NALF1: variants seen among roughly 807,000 people sequenced by gnomAD.
NALF1 encodes family with sequence similarity 155 member A.
Under a neutral mutation model 48.4 loss-of-function variants are expected in NALF1, and 3 were observed. That is an observed-to-expected ratio of 0.06 (90% CI 0.03 to 0.16). The LOEUF is 0.16. Among genes scored for constraint, NALF1 ranks in the 10% least tolerant of loss-of-function variants. The probability of loss-of-function intolerance (pLI) is 1.00; values close to 1 mark genes in which losing one functional copy is unlikely to be tolerated. For synonymous variants in NALF1, 262 were observed against 245.7 expected, an observed-to-expected ratio of 1.07 and a Z score of -0.62; for missense variants, 526 against 571.5, an observed-to-expected ratio of 0.92 and a Z score of 0.81.
chr13:107,258,774 C>T lies in NALF1; in HGVS notation c.916-48019G>A, dbSNP rs1034551093. 4.2e-5 allele frequency among the ~76,000 whole-genome samples: 5 copies of T among 118,782 alleles called. No individual in the cohort carries two copies. The South Asian group carries it at 1.0e-3, about 25-fold the overall frequency. 77.9% of individuals were successfully genotyped at this position (118,782 alleles called of 152,430 possible). A position where few individuals can be genotyped will look rare whatever the true frequency, so the allele number is the denominator to read the frequency against. On this transcript the variant is annotated intron_variant, in intron 1 of 2. Transcript: ENST00000375915. ...ATGATGAGTGGCCTACAAAAGGAAA[C>T]ATGTTTATGAAAGGCTTAAGGAATT...
intron 1 of NALF1, among the ~76,000 whole-genome samples, chr13:107,514,421 A>ATATCTATC (rs34590190): frequency 0.46 from 67,663 of 148,496 alleles, 16,636 homozygotes; most frequent in Admixed American, 0.53. Context: ...AGCTTCTCCT[A>ATATCTATC]TATCTATCTA....
At chr13:107,188,125 T>G (rs1242713994) in intron 2 of NALF1, among the ~76,000 whole-genome samples, 5 of 152,204 alleles carry the variant, frequency 3.3e-5, no homozygotes, top group Admixed American at 3.3e-4. Flanking sequence ...ACAATTTATT[T>G]TTTTGCCATC....
At chr13:107,840,919 C>G (rs988334167) in intron 1 of NALF1, among the ~76,000 whole-genome samples, 1 of 151,964 alleles carries the variant, frequency 6.6e-6, no homozygotes, top group African/African-American at 2.4e-5. Flanking sequence ...AAGCTACTTC[C>G]TAACTGAAAT....
intron 1 of NALF1, among the ~76,000 whole-genome samples, chr13:107,647,330 CT>C (rs1566428751): frequency 2.0e-5 from 3 of 151,770 alleles, no homozygotes; most frequent in Admixed American, 2.0e-4. Flanking sequence ...AAATTTTGTC[CT>C]TTTTTACCAT....
intron 1 of NALF1, among the ~76,000 whole-genome samples, chr13:107,238,305 G>A (rs1160860991): frequency 1.3e-5 from 2 of 152,186 alleles, no homozygotes; most frequent in Non-Finnish European, 2.9e-5. Context: ...CTCAGAATTA[G>A]AGGAAGGGCA....
intron 1 of NALF1, among the ~76,000 whole-genome samples, chr13:107,357,002 G>A (rs1882974270): frequency 6.6e-6 from 1 of 152,150 alleles, no homozygotes; most frequent in African/African-American, 2.4e-5. Context: ...TAGTGGCCTG[G>A]TCAAAGTACA....
intron 1 of NALF1, among the ~76,000 whole-genome samples, chr13:107,495,795 T>C (rs773632315): frequency 6.6e-6 from 1 of 152,118 alleles, no homozygotes; most frequent in Non-Finnish European, 1.5e-5. Flanking sequence ...ACTTTCAGAG[T>C]TTGAGACAAG....
At chr13:107,739,140 C>A (rs2138542527) in intron 1 of NALF1, among the ~76,000 whole-genome samples, 1 of 151,998 alleles carries the variant, frequency 6.6e-6, no homozygotes, top group South Asian at 2.1e-4. Flanking sequence ...AGGGAAACAT[C>A]ACACACCAGG....
intron 1 of NALF1, among the ~76,000 whole-genome samples, chr13:107,404,874 AC>A (rs1463682802): frequency 6.6e-6 from 1 of 152,056 alleles, no homozygotes; most frequent in African/African-American, 2.4e-5. Flanking sequence ...GTAACTTGTG[AC>A]CTCAGTGTCC....
chr13:107,861,131 G>A (rs1485295939), intron 1 of NALF1, among the ~76,000 whole-genome samples: 2 of 151,964 alleles, frequency 1.3e-5, no homozygotes, highest in African/African-American at 4.8e-5. Flanking sequence ...AGTTGTACAT[G>A]GAGCAAGAAG....
chr13:107,498,013 G>A (rs1875394678), intron 1 of NALF1, among the ~76,000 whole-genome samples: 1 of 151,286 alleles, frequency 6.6e-6, no homozygotes, highest in African/African-American at 2.4e-5. Flanking sequence ...TATAAGTTCT[G>A]GTTTTCATGC....
intron 1 of NALF1, among the ~76,000 whole-genome samples, chr13:107,550,581 T>C (rs920804897): frequency 6.6e-6 from 1 of 152,168 alleles, no homozygotes; most frequent in African/African-American, 2.4e-5. Flanking sequence ...TTATTCAAAA[T>C]TCACTACCTC....
At chr13:107,206,838 T>C (rs745556234) in intron 2 of NALF1, among the ~76,000 whole-genome samples, 4 of 152,158 alleles carry the variant, frequency 2.6e-5, no homozygotes, top group Non-Finnish European at 5.9e-5. Flanking sequence ...ACAGAATACT[T>C]TTTTTTGAGG....
intron 1 of NALF1, among the ~76,000 whole-genome samples, chr13:107,838,224 C>A (rs933791150): frequency 6.6e-6 from 1 of 151,994 alleles, no homozygotes; most frequent in African/African-American, 2.4e-5. Flanking sequence ...CCAGCATCAT[C>A]GGCACCTGGG....
intron 1 of NALF1, among the ~76,000 whole-genome samples, chr13:107,830,320 A>T (rs1479834792): frequency 2.0e-5 from 3 of 152,234 alleles, no homozygotes; most frequent in Non-Finnish European, 4.4e-5. Flanking sequence ...CAAGGTAATT[A>T]TCTATGTATA....
intron 1 of NALF1, among the ~76,000 whole-genome samples, chr13:107,606,633 T>C (rs1344006974): frequency 2.6e-5 from 4 of 152,130 alleles, no homozygotes; most frequent in African/African-American, 4.8e-5. Context: ...TCCAAAGTGC[T>C]AAGATTACAG....
chr13:107,537,070 G>C (rs907309985), intron 1 of NALF1, among the ~76,000 whole-genome samples: 5 of 152,088 alleles, frequency 3.3e-5, no homozygotes, highest in Non-Finnish European at 7.4e-5. Context: ...TCACACACCA[G>C]GGCCAGTCGT....
Position 107,866,543 on chromosome 13 carries a change from C to G in NALF1, c.54G>C (p.Trp18Cys). The change falls in exon 1 of 3, where the codon TGG becomes TGC. Residue 18 changes from tryptophan (W) to cysteine (C), a missense_variant. Physicochemically the swap from Trp to Cys is radical, Grantham distance 215 (BLOSUM62 -2). Around this residue, in one of 2 missense-constraint regions of NALF1, gnomAD observed 373 missense variants for 355.5 expected, o/e 1.05. Coordinates refer to ENST00000375915, the MANE Select transcript of NALF1 (RefSeq NM_001080396.3). This position sits in a 1 kb window ranked among gnomAD's most constrained non-coding sequence, Gnocchi z 4.4. ...CRQYDDGLKIWLAAPRENEKP... is the reference protein window; with the variant it reads ...CRQYDDGLKICLAAPRENEKP... ...TCTCGTTCTCTCGGGGTGCTGCCAA[C>G]CAGATTTTTAAGCCGTCGTCATACT... is the stretch of plus-strand genomic sequence containing the variant. 6.2e-7 allele frequency: 1 copy of G among 1,613,292 alleles called. No individual in the cohort carries two copies. Among genetic ancestry groups the G allele is most frequent in the Non-Finnish European group, 8.5e-7 (1 of 1,179,996 alleles).
chr13:107,410,454 T>C (rs1949390557), intron 1 of NALF1, among the ~76,000 whole-genome samples: 1 of 152,176 alleles, frequency 6.6e-6, no homozygotes, highest in African/African-American at 2.4e-5. Flanking sequence ...ATTGGCAATA[T>C]CCAACATTCC....
Sources: allele counts gnomAD v4.1 joint callset (sites outside exome capture counted in the v4.1 genomes callset), GRCh38; gene constraint gnomAD v4.1.1; regional missense constraint gnomAD v4.1.1; non-coding constraint Gnocchi (gnomAD v3.1); transcripts MANE v1.5; gene names NCBI Gene and HGNC (gene_info 2026-07-23, HGNC 2026-07-21).